The following TNRC6C variants were observed in gnomAD, a reference collection of about 807,000 sequenced individuals.
The protein encoded by TNRC6C is trinucleotide repeat containing adaptor 6C.
In TNRC6C, 20 loss-of-function variants were observed where a neutral mutation model predicts 153.7. The observed-to-expected ratio is 0.13, with a 90% CI of 0.09 to 0.19. The LOEUF (loss-of-function observed/expected upper bound fraction) is 0.19. Ranked by LOEUF, TNRC6C falls within the 10% of genes least tolerant of loss-of-function variation. The pLI is 1.00. For missense variants in TNRC6C, 1,987 were observed against 2,172.0 expected, an observed-to-expected ratio of 0.91 and a Z score of 1.69; for synonymous variants, 811 against 841.4, an observed-to-expected ratio of 0.96 and a Z score of 0.63.
intron 1 of TNRC6C, among the ~76,000 whole-genome samples, chr17:77,970,008 A>G (rs1046664257): frequency 6.6e-6 from 1 of 152,174 alleles, no homozygotes; most frequent in East Asian, 1.9e-4. Context: ...ATGGATGATA[A>G]CTGTCTTTCT....
At chr17:77,981,657 G>A (rs2071079284) in intron 1 of TNRC6C, among the ~76,000 whole-genome samples, 1 of 152,166 alleles carries the variant, frequency 6.6e-6, no homozygotes, top group Admixed American at 6.5e-5. Context: ...ATCACATTTG[G>A]TGAGAGAATC....
intron 13 of TNRC6C, among the ~76,000 whole-genome samples, chr17:78,090,797 G>A (rs1236177732): frequency 6.6e-6 from 1 of 152,202 alleles, no homozygotes; most frequent in African/African-American, 2.4e-5. Flanking sequence ...TTCCTTAAAA[G>A]TAGTTTGATA....
chr17:78,017,985 C>G (rs1038043143), intron 1 of TNRC6C, among the ~76,000 whole-genome samples: 5 of 152,232 alleles, frequency 3.3e-5, no homozygotes, highest in Middle Eastern at 3.4e-3. Context: ...TCCCACTGTT[C>G]CTTTTATCAT....
chr17:78,020,145 G>A (rs935126243), intron 1 of TNRC6C, among the ~76,000 whole-genome samples: 2 of 152,098 alleles, frequency 1.3e-5, no homozygotes, highest in South Asian at 4.1e-4. Context: ...TCAGAATTCC[G>A]CATTCCTCTG....
chr17:77,959,497 C>A (rs2070842843), intron 1 of TNRC6C, among the ~76,000 whole-genome samples: 1 of 152,088 alleles, frequency 6.6e-6, no homozygotes, highest in African/African-American at 2.4e-5. Context: ...CGGTGTGCAT[C>A]ACAATCAAAC....
intron 1 of TNRC6C, among the ~76,000 whole-genome samples, chr17:77,972,428 C>G (rs1305221511): frequency 6.6e-6 from 1 of 151,816 alleles, no homozygotes; most frequent in Non-Finnish European, 1.5e-5. Flanking sequence ...AGGAGAATCA[C>G]TTGAACTTGG....
At chr17:78,066,802 T>A (rs115941189) in intron 4 of TNRC6C, 1 of 152,328 alleles carries the variant, frequency 6.6e-6, no homozygotes, top group African/African-American at 2.4e-5. Flanking sequence ...TTGTTAGAAA[T>A]GCAGCCTGTC....
At chr17:78,012,366 G>A (rs2071649496) in intron 1 of TNRC6C, among the ~76,000 whole-genome samples, 1 of 152,034 alleles carries the variant, frequency 6.6e-6, no homozygotes, top group Non-Finnish European at 1.5e-5. Flanking sequence ...AGGAGGGAGA[G>A]GAGCAGAAAA....
At chr17:78,106,067 A>C (rs988026738) in exon 20 of TNRC6C, 7 of 152,028 alleles carry the variant, frequency 4.6e-5, no homozygotes, top group Non-Finnish European at 1.0e-4. Flanking sequence ...AAAAAAAAAA[A>C]AACTGTTGTT....
chr17:78,045,537 C>G (rs185011653), intron 2 of TNRC6C, among the ~76,000 whole-genome samples: 2 of 152,060 alleles, frequency 1.3e-5, no homozygotes, highest in African/African-American at 4.8e-5. Context: ...CGTGCTTGTT[C>G]AAAGCAGTCT....
chr17:77,995,320 G>T (rs1308135129), intron 1 of TNRC6C, among the ~76,000 whole-genome samples: 1 of 152,238 alleles, frequency 6.6e-6, no homozygotes, highest in East Asian at 1.9e-4. Context: ...GCTGGAGTGT[G>T]CCTGCAGGAT....
At chr17:78,093,039 T>G in exon 15 of TNRC6C, 1 of 1,613,796 alleles carries the variant, frequency 6.2e-7, no homozygotes, top group Non-Finnish European at 8.5e-7. Context: ...CAGCCAGTCC[T>G]CCCGTAGCTG....
In TNRC6C at chr17:77,973,154, G is replaced by A. The variant is rs532739180; in HGVS notation, c.-38+13886G>A. On this transcript the variant is annotated intron_variant, in intron 1 of 22. Coordinates refer to the TNRC6C transcript ENST00000636222. ...ACTCCTGACTTCAGGTGATCCGCCC[G>A]TCTTGACTCCTAAAGTGCTGGGATT... 5.9e-5 allele frequency among the ~76,000 whole-genome samples: 9 copies of A among 152,184 alleles called. No individual in the cohort carries two copies. In the East Asian group the frequency reaches 1.4e-3, roughly 23 times the overall value.
rs148134008 is a variant in TNRC6C, at chr17:77,989,009, G to T, written c.-37-15161G>T. Reference sequence around the variant, plus strand: ...TTGAATGAAAGATTGAATTTTCACCGGGTGGAAGTATCTACAACTAGAAGT... The same window carrying T: ...TTGAATGAAAGATTGAATTTTCACCTGGTGGAAGTATCTACAACTAGAAGT... On this transcript the variant is annotated intron_variant, in intron 1 of 22. Transcript: ENST00000636222. Among the ~76,000 whole-genome samples, 161 of 152,232 alleles carry T rather than the reference G, an allele frequency of 1.1e-3. 1 individual carries two copies. Among genetic ancestry groups the T allele is most frequent in the African/African-American group, 3.8e-3 (158 of 41,520 alleles).
intron 1 of TNRC6C, among the ~76,000 whole-genome samples, chr17:77,986,731 G>A (rs2071175244): frequency 6.6e-6 from 1 of 152,098 alleles, no homozygotes; most frequent in African/African-American, 2.4e-5. Flanking sequence ...AGTTATTAAT[G>A]GAGCAGAATG....
rs573293489 is a variant in TNRC6C, at chr17:78,054,496, A to C, written c.2395+3039A>C. 1.7e-3 allele frequency among the ~76,000 whole-genome samples: 261 copies of C among 152,186 alleles called. 1 individual carries two copies. The highest frequency in any genetic ancestry group is 5.8e-3 in the African/African-American group (239 of 41,504). ...ACTGCACGCCACTGCAGACTACTGT[A>C]CACCACTGCAAAGTAGAGTTCACCA... On this transcript the variant is annotated intron_variant, in intron 3 of 19. Transcript: ENST00000301624.
chr17:78,027,807 G>C (rs759709773), intron 1 of TNRC6C, among the ~76,000 whole-genome samples: 3 of 152,058 alleles, frequency 2.0e-5, no homozygotes, highest in African/African-American at 4.8e-5. Flanking sequence ...GCGTCTTTGA[G>C]TTGATGGAAT....
At chr17:77,993,152 G>A (rs971837808) in intron 1 of TNRC6C, among the ~76,000 whole-genome samples, 24 of 152,062 alleles carry the variant, frequency 1.6e-4, no homozygotes, top group African/African-American at 5.8e-4. Context: ...AGTAGAGACG[G>A]GGTTTTACCA....
chr17:78,056,139 C>G (rs1395197312), intron 3 of TNRC6C, among the ~76,000 whole-genome samples: 1 of 151,624 alleles, frequency 6.6e-6, no homozygotes, highest in African/African-American at 2.4e-5. Flanking sequence ...TGTGAGCCAC[C>G]ATGCCTGGCC....
Sources: allele counts gnomAD v4.1 joint callset (sites outside exome capture counted in the v4.1 genomes callset), GRCh38; gene constraint gnomAD v4.1.1; transcripts MANE v1.5; gene names NCBI Gene and HGNC (gene_info 2026-07-23, HGNC 2026-07-21).